The following FMNL2 variants were observed in gnomAD, a reference collection of about 807,000 sequenced individuals.
The protein encoded by FMNL2 is formin like 2.
A neutral mutation model predicts 130.2 loss-of-function variants in FMNL2; 51 were observed. The observed-to-expected ratio is 0.39, with a 90% CI of 0.31 to 0.49. The LOEUF (loss-of-function observed/expected upper bound fraction) is 0.49, where lower values mean the gene tolerates loss of function less well. FMNL2 is among the 20% of genes least tolerant of loss of function. FMNL2 has a pLI of 0.85. For synonymous variants in FMNL2, 465 were observed against 467.1 expected, an observed-to-expected ratio of 1.00 and a Z score of 0.06; for missense variants, 977 against 1,316.2, an observed-to-expected ratio of 0.74 and a Z score of 3.99.
chr2:152,369,329 A>G (rs1032170623), intron 1 of FMNL2, among the ~76,000 whole-genome samples: 3 of 152,214 alleles, frequency 2.0e-5, no homozygotes, highest in Admixed American at 6.5e-5. Flanking sequence ...TAATTTAATG[A>G]GCCCAAAAGG....
intron 1 of FMNL2, among the ~76,000 whole-genome samples, chr2:152,412,495 TATATATAA>T (rs1686374128): frequency 1.6e-5 from 1 of 62,058 alleles, no homozygotes; most frequent in African/African-American, 6.1e-5. Context: ...TATATATATA[TATATATAA>T]ATTAGAAAAA....
At chr2:152,579,683 G>A (rs1021300855) in intron 8 of FMNL2, among the ~76,000 whole-genome samples, 1 of 152,170 alleles carries the variant, frequency 6.6e-6, no homozygotes, top group Non-Finnish European at 1.5e-5. Context: ...GGGTGACAGG[G>A]CAAGACTCTG....
intron 1 of FMNL2, among the ~76,000 whole-genome samples, chr2:152,496,708 A>T (rs1393298383): frequency 6.6e-6 from 1 of 152,094 alleles, no homozygotes. Flanking sequence ...TCAGTTATTT[A>T]TATCTGTATG....
At chr2:152,423,418 G>A (rs1395189383) in intron 1 of FMNL2, among the ~76,000 whole-genome samples, 1 of 152,162 alleles carries the variant, frequency 6.6e-6, no homozygotes. Flanking sequence ...GAATCAAAAC[G>A]TGTTATTCTA....
At chr2:152,604,908 T>C (rs889541003) in intron 9 of FMNL2, among the ~76,000 whole-genome samples, 4 of 141,704 alleles carry the variant, frequency 2.8e-5, no homozygotes, top group African/African-American at 9.8e-5. Context: ...TATTGGGGTT[T>C]CTGCTAAAGA....
intron 1 of FMNL2, among the ~76,000 whole-genome samples, chr2:152,505,704 C>A (rs1199921385): frequency 1.3e-5 from 2 of 152,232 alleles, no homozygotes; most frequent in Non-Finnish European, 2.9e-5. Context: ...TACTAAGGGT[C>A]ATCGGGCTCC....
intron 1 of FMNL2, among the ~76,000 whole-genome samples, chr2:152,469,331 C>T (rs1689729481): frequency 1.3e-5 from 2 of 152,222 alleles, no homozygotes; most frequent in African/African-American, 2.4e-5. Flanking sequence ...AGAATTAAGT[C>T]TCTGCATTGC....
chr2:152,563,969 G>C (rs943800666), intron 6 of FMNL2, among the ~76,000 whole-genome samples: 35 of 152,320 alleles, frequency 2.3e-4, no homozygotes, highest in African/African-American at 8.2e-4. Flanking sequence ...CGAGTTCACA[G>C]TGCATGCTGG....
At chr2:152,412,927 G>C (rs979824171) in intron 1 of FMNL2, among the ~76,000 whole-genome samples, 2 of 152,136 alleles carry the variant, frequency 1.3e-5, no homozygotes, top group African/African-American at 2.4e-5. Flanking sequence ...GGTCAGAAAT[G>C]GTTGAATAGC....
chr2:152,383,121 C>T (rs1270558203), intron 1 of FMNL2, among the ~76,000 whole-genome samples: 1 of 151,874 alleles, frequency 6.6e-6, no homozygotes, highest in Non-Finnish European at 1.5e-5. Flanking sequence ...AGGGAGAGAC[C>T]AACAAATAGG....
At chr2:152,363,090 T>C (rs534881006) in intron 1 of FMNL2, among the ~76,000 whole-genome samples, 3 of 152,356 alleles carry the variant, frequency 2.0e-5, no homozygotes, top group East Asian at 1.9e-4. Context: ...ACTGAAGCGA[T>C]GAAAATGTTC....
At chr2:152,407,924 A>G (rs531879733) in intron 1 of FMNL2, among the ~76,000 whole-genome samples, 1 of 152,354 alleles carries the variant, frequency 6.6e-6, no homozygotes, top group South Asian at 2.1e-4. Flanking sequence ...AGCTCTTCCA[A>G]GGTATCCAGC....
In FMNL2 at chr2:152,607,491, A is replaced by G; in HGVS notation, c.951+78A>G. ...TAAATACACACACACACACACACAC[A>G]CACACACACACACACATATTTATAT... On this transcript the variant is annotated intron_variant, in intron 10 of 25. Transcript: ENST00000288670. 5 of 904,168 alleles carry G rather than the reference A, an allele frequency of 5.5e-6. No homozygotes were observed. In the South Asian group the frequency reaches 6.0e-5, roughly 11 times the overall value. 56.0% of individuals were successfully genotyped at this position (904,168 alleles called of 1,614,324 possible).
intron 1 of FMNL2, among the ~76,000 whole-genome samples, chr2:152,510,928 G>A (rs981429758): frequency 3.9e-5 from 6 of 152,182 alleles, no homozygotes; most frequent in African/African-American, 1.4e-4. Flanking sequence ...TGTGTGTTTG[G>A]ATAGGGCAGA....
At chr2:152,557,939 A>T (rs1048413511) in intron 4 of FMNL2, among the ~76,000 whole-genome samples, 1 of 152,168 alleles carries the variant, frequency 6.6e-6, no homozygotes, top group African/African-American at 2.4e-5. Context: ...AGATGAATGC[A>T]CTGGAGGAAA....
At chr2:152,425,386 A>G (rs553239726) in intron 1 of FMNL2, among the ~76,000 whole-genome samples, 4 of 152,308 alleles carry the variant, frequency 2.6e-5, no homozygotes, top group South Asian at 4.1e-4. Context: ...CCTAAATTGG[A>G]CTTCAGAATT....
At chr2:152,587,372 A>G (rs1478643671) in intron 9 of FMNL2, among the ~76,000 whole-genome samples, 1 of 152,214 alleles carries the variant, frequency 6.6e-6, no homozygotes, top group East Asian at 1.9e-4. Context: ...CTGTGGGCTC[A>G]TACCATTGTA....
rs549325132 is a variant in FMNL2, at chr2:152,647,833, G to A, written c.3207G>A (p.Val1069=). 324 of 1,613,896 alleles carry A rather than the reference G, an allele frequency of 2.0e-4. 3 individuals are homozygous for A. The South Asian group carries it at 3.3e-3, about 17-fold the overall frequency. ...AACCATACAGACGAGCCGATGCGGT[G>A]AGGAGAAGCGTCAGGCGGCGCTTTG... ...RNQPYRRADA[V]RRSVRRRFDD... Residue 1069 remains valine, a synonymous_variant, in exon 26 of 26, where the codon GTG becomes GTA. Transcript: ENST00000288670.
intron 1 of FMNL2, among the ~76,000 whole-genome samples, chr2:152,374,648 T>C (rs148042289): frequency 6.6e-6 from 1 of 152,098 alleles, no homozygotes; most frequent in East Asian, 1.9e-4. Flanking sequence ...AGCTGGGAGG[T>C]ACTATGAGAA....
Sources: gnomAD v4.1 joint callset for allele counts (sites outside exome capture counted in the v4.1 genomes callset) on GRCh38, gnomAD v4.1.1 for gene constraint, MANE v1.5 for transcripts, NCBI Gene and HGNC (gene_info 2026-07-23, HGNC 2026-07-21) for gene names.